Variants in COL26A1 observed in about 807,000 individuals in gnomAD.
The protein encoded by COL26A1 is collagen type XXVI alpha 1 chain.
A neutral mutation model predicts 59.3 loss-of-function variants in COL26A1; 41 were observed. That is an observed-to-expected ratio of 0.69 (90% confidence interval 0.54 to 0.90). COL26A1 has a LOEUF of 0.90. COL26A1 is among the 40% of genes least tolerant of loss of function. COL26A1 has a pLI of 0.00. For synonymous variants in COL26A1, 266 were observed against 256.0 expected (o/e 1.04, Z -0.37); for missense variants, 612 against 602.3 (o/e 1.02, Z -0.17).
intron 11 of COL26A1, among the ~76,000 whole-genome samples, chr7:101,554,537 G>A (rs1320118508): frequency 6.9e-6 from 1 of 144,056 alleles, no homozygotes; most frequent in Non-Finnish European, 1.5e-5. Context: ...ATCAAGACCA[G>A]CCTGGGAAAC....
chr7:101,489,638 T>TTTCC (rs1794345974), intron 3 of COL26A1, among the ~76,000 whole-genome samples: 1 of 69,172 alleles, frequency 1.4e-5, no homozygotes, highest in East Asian at 2.5e-4. Context: ...TCTTTCTTTC[T>TTTCC]TTCTTTCTTT....
chr7:101,529,951 G>A (rs1019534916), intron 3 of COL26A1, among the ~76,000 whole-genome samples: 7 of 152,178 alleles, frequency 4.6e-5, no homozygotes, highest in Middle Eastern at 3.4e-3. Context: ...GCAGGCATTC[G>A]GGTCTGTGCA....
intron 10 of COL26A1, among the ~76,000 whole-genome samples, chr7:101,551,900 T>A (rs1473691234): frequency 6.6e-6 from 1 of 151,716 alleles, no homozygotes; most frequent in Non-Finnish European, 1.5e-5. Flanking sequence ...ACAGTGGAGG[T>A]GCTCTCTTCC....
At chr7:101,500,770 G>A (rs1291915627) in intron 3 of COL26A1, among the ~76,000 whole-genome samples, 1 of 151,684 alleles carries the variant, frequency 6.6e-6, no homozygotes, top group Non-Finnish European at 1.5e-5. Context: ...GCAGTGAGCC[G>A]AGATCGCGCC....
At chr7:101,554,604 C>T (rs187123624) in intron 11 of COL26A1, among the ~76,000 whole-genome samples, 2 of 145,280 alleles carry the variant, frequency 1.4e-5, no homozygotes, top group East Asian at 2.0e-4. Context: ...ATGAGACAGG[C>T]GTGGTAGTGT....
chr7:101,418,480 T>G (rs1046539324), intron 1 of COL26A1, among the ~76,000 whole-genome samples: 1 of 151,988 alleles, frequency 6.6e-6, no homozygotes, highest in African/African-American at 2.4e-5. Flanking sequence ...TATTTTATTA[T>G]TATTTTTAGA....
chr7:101,400,423 A>G (rs1791969059), intron 1 of COL26A1, among the ~76,000 whole-genome samples: 1 of 131,906 alleles, frequency 7.6e-6, no homozygotes, highest in South Asian at 2.5e-4. Flanking sequence ...GTGCAGTGGC[A>G]CGATCTCGGC....
At chr7:101,453,746 T>C (rs981463981) in intron 3 of COL26A1, among the ~76,000 whole-genome samples, 1 of 152,132 alleles carries the variant, frequency 6.6e-6, no homozygotes, top group African/African-American at 2.4e-5. Flanking sequence ...TTGTAAAGAT[T>C]TTACATTCCC....
chr7:101,459,212 A>G (rs1038549856), intron 3 of COL26A1, among the ~76,000 whole-genome samples: 1 of 152,150 alleles, frequency 6.6e-6, no homozygotes, highest in Non-Finnish European at 1.5e-5. Flanking sequence ...GTCCCAGTAC[A>G]AGGGACAGGG....
intron 3 of COL26A1, among the ~76,000 whole-genome samples, chr7:101,483,974 C>A (rs373585759): frequency 1.4e-5 from 2 of 143,178 alleles, no homozygotes; most frequent in East Asian, 4.0e-4. Context: ...GCACCTGGCC[C>A]CAGCTAACTT....
intron 1 of COL26A1, among the ~76,000 whole-genome samples, chr7:101,391,639 A>G (rs1791730869): frequency 6.6e-6 from 1 of 152,180 alleles, no homozygotes; most frequent in Admixed American, 6.6e-5. Context: ...AGCTCACTGC[A>G]ACCTCCACCT....
chr7:101,436,286 C>T (rs1170592305), intron 2 of COL26A1, among the ~76,000 whole-genome samples: 1 of 152,184 alleles, frequency 6.6e-6, no homozygotes, highest in Non-Finnish European at 1.5e-5. Flanking sequence ...CCTTTCCCCT[C>T]CCCGCTGGCC....
intron 2 of COL26A1, among the ~76,000 whole-genome samples, chr7:101,446,004 C>G (rs1793184532): frequency 7.2e-6 from 1 of 139,218 alleles, no homozygotes; most frequent in African/African-American, 2.7e-5. Context: ...GCCGAGATCG[C>G]GCCACTGAAT....
chr7:101,369,094 T>G (rs567594645), intron 1 of COL26A1, among the ~76,000 whole-genome samples: 13 of 152,070 alleles, frequency 8.5e-5, no homozygotes, highest in Non-Finnish European at 4.4e-5. Context: ...CATAACGTGT[T>G]GTGGAGATGG....
chr7:101,437,875 C>T (rs1008729555), intron 2 of COL26A1, among the ~76,000 whole-genome samples: 1 of 151,864 alleles, frequency 6.6e-6, no homozygotes, highest in Admixed American at 6.6e-5. Context: ...CTATGCCTGG[C>T]TAATTTTTAA....
rs553286849 is a variant in COL26A1, at chr7:101,456,578, C to T, written c.385+8791C>T. Among the ~76,000 whole-genome samples, 619 of 152,020 alleles carry T rather than the reference C, an allele frequency of 4.1e-3. 9 individuals are homozygous for T. Among genetic ancestry groups the T allele is most frequent in the Non-Finnish European group, 5.9e-3 (402 of 67,988 alleles). The stretch of plus-strand genomic sequence containing the variant: ...ACTCGGGAGGCTGAGGCAGGGGAAT[C>T]GCTTGAACTTGGGAGGCAGAGGTTA... On this transcript the variant is annotated intron_variant, in intron 3 of 12. Coordinates refer to ENST00000313669, the MANE Select transcript of COL26A1 (RefSeq NM_001278563.3).
intron 1 of COL26A1, among the ~76,000 whole-genome samples, chr7:101,369,697 A>G (rs565800094): frequency 4.6e-5 from 7 of 151,672 alleles, no homozygotes; most frequent in Admixed American, 3.3e-4. Context: ...GACTGTATTT[A>G]TTCAGCTAGT....
intron 11 of COL26A1, among the ~76,000 whole-genome samples, chr7:101,554,087 G>A (rs533863006): frequency 4.7e-4 from 72 of 152,248 alleles, no homozygotes; most frequent in African/African-American, 1.7e-3. Flanking sequence ...CCTGCCCTGA[G>A]AAGTTCACAG....
chr7:101,500,745 C>T (rs1025886474), intron 3 of COL26A1, among the ~76,000 whole-genome samples: 2 of 151,150 alleles, frequency 1.3e-5, no homozygotes, highest in Non-Finnish European at 3.0e-5. Context: ...CACTTGAACT[C>T]CAGAGGCTGA....
Sources: allele counts gnomAD v4.1 joint callset (sites outside exome capture counted in the v4.1 genomes callset), GRCh38; gene constraint gnomAD v4.1.1; transcripts MANE v1.5; gene names NCBI Gene and HGNC (gene_info 2026-07-23, HGNC 2026-07-21).